KCNH5: variants seen among roughly 807,000 people sequenced by gnomAD.
The protein encoded by KCNH5 is potassium voltage-gated channel subfamily H member 5.
Under a neutral mutation model 96.1 loss-of-function variants are expected in KCNH5, and 46 were observed. The observed-to-expected ratio is 0.48, with a 90% confidence interval of 0.38 to 0.61. The LOEUF (loss-of-function observed/expected upper bound fraction) is 0.61, where lower values mean the gene tolerates loss of function less well. Among genes scored for constraint, KCNH5 ranks in the 20% least tolerant of loss-of-function variants. The probability of loss-of-function intolerance (pLI) is 0.00; values close to 1 mark genes in which losing one functional copy is unlikely to be tolerated. For missense variants in KCNH5, 907 were observed against 1,225.8 expected (o/e 0.74, Z 3.88); for synonymous variants, 439 against 449.8 (o/e 0.98, Z 0.30).
In KCNH5 at chr14:62,827,780, T is replaced by C. The variant is rs534732622; in HGVS notation, c.1569+21873A>G. Reference sequence around the variant, plus strand: ...TTTCCCAGGTATACAATGGGCCAGATATGTAGCTTTGGGTTTTTGTTTGTT... The same window carrying C: ...TTTCCCAGGTATACAATGGGCCAGACATGTAGCTTTGGGTTTTTGTTTGTT... On this transcript the variant is annotated intron_variant, in intron 8 of 10. Coordinates refer to ENST00000322893, the MANE Select transcript of KCNH5 (RefSeq NM_139318.5). Among the ~76,000 whole-genome samples, 14 of 152,146 alleles carry C rather than the reference T, an allele frequency of 9.2e-5. No homozygotes were observed. In the South Asian group the frequency reaches 2.9e-3, roughly 32 times the overall value.
In KCNH5 at chr14:62,702,166, A is replaced by T. The variant is rs1021445868; in HGVS notation, c.*5342T>A. The T allele has an allele frequency of 2.6e-5, 4 of 152,128 alleles. No individual in the cohort carries two copies. The highest frequency in any genetic ancestry group is 9.6e-5 in the African/African-American group (4 of 41,460). 9.4% of individuals were successfully genotyped at this position (152,128 alleles called of 1,614,324 possible). A position where few individuals can be genotyped will look rare whatever the true frequency, so the allele number is the denominator to read the frequency against. On this transcript the variant is annotated 3_prime_UTR_variant, in exon 11 of 11. Transcript: ENST00000322893. ...TGATACCAGTGACCATATATCAAACATACCACATTTGACAGTTTACTTTGG... is the reference window on the plus strand; with the variant it reads ...TGATACCAGTGACCATATATCAAACTTACCACATTTGACAGTTTACTTTGG...
intron 4 of KCNH5, among the ~76,000 whole-genome samples, chr14:63,000,888 A>C (rs995085868): frequency 2.0e-5 from 3 of 152,208 alleles, no homozygotes; most frequent in African/African-American, 7.2e-5. Flanking sequence ...CAGCCTGGGC[A>C]ACATGGCGAA....
intron 7 of KCNH5, among the ~76,000 whole-genome samples, chr14:62,909,211 A>G (rs1889101096): frequency 6.7e-6 from 1 of 149,352 alleles, no homozygotes; most frequent in African/African-American, 2.5e-5. Flanking sequence ...ACGCCCGGCT[A>G]ATTTTTTGTA....
chr14:62,946,724 AC>A (rs1186291099), intron 7 of KCNH5, among the ~76,000 whole-genome samples: 1 of 152,106 alleles, frequency 6.6e-6, no homozygotes, highest in Non-Finnish European at 1.5e-5. Flanking sequence ...CTAACCATGA[AC>A]TACTACTCAG....
At chr14:62,886,456 C>T (rs1175847761) in intron 7 of KCNH5, among the ~76,000 whole-genome samples, 1 of 152,180 alleles carries the variant, frequency 6.6e-6, no homozygotes, top group Admixed American at 6.5e-5. Context: ...ACTGAACTAA[C>T]ACTCTGGCAT....
chr14:62,985,794 A>G (rs997349306), intron 5 of KCNH5, among the ~76,000 whole-genome samples: 5 of 152,158 alleles, frequency 3.3e-5, no homozygotes, highest in Non-Finnish European at 5.9e-5. Flanking sequence ...TGCCAGACCC[A>G]TAAATCTCCC....
intron 7 of KCNH5, among the ~76,000 whole-genome samples, chr14:62,917,993 C>T (rs1889308358): frequency 1.3e-5 from 2 of 152,154 alleles, no homozygotes; most frequent in Admixed American, 1.3e-4. Flanking sequence ...GCTGTTCCAT[C>T]TGTCTAAAGG....
intron 10 of KCNH5, among the ~76,000 whole-genome samples, chr14:62,749,484 T>A (rs1334418510): frequency 6.6e-6 from 1 of 152,202 alleles, no homozygotes; most frequent in Non-Finnish European, 1.5e-5. Flanking sequence ...TCCAAGTTTT[T>A]AATAGGACCC....
intron 6 of KCNH5, among the ~76,000 whole-genome samples, chr14:62,954,805 G>A (rs1486362223): frequency 6.6e-6 from 1 of 152,020 alleles, no homozygotes; most frequent in Non-Finnish European, 1.5e-5. Flanking sequence ...GAAGGCAAAA[G>A]GCACATCTTA....
At chr14:62,744,499 A>G (rs1042491608) in intron 10 of KCNH5, among the ~76,000 whole-genome samples, 8 of 152,192 alleles carry the variant, frequency 5.3e-5, no homozygotes, top group Non-Finnish European at 1.2e-4. Flanking sequence ...TTATTTCCAT[A>G]CCATCATAGT....
intron 1 of KCNH5, among the ~76,000 whole-genome samples, chr14:63,030,190 C>T (rs1179776743): frequency 6.6e-6 from 1 of 152,128 alleles, no homozygotes; most frequent in Non-Finnish European, 1.5e-5. Context: ...CCTTGAGATC[C>T]AGATTGTTTC....
chr14:62,950,567 T>C lies in KCNH5; in HGVS notation c.943-8A>G. 2.2e-6 allele frequency: 3 copies of C among 1,371,456 alleles called. No individual in the cohort carries two copies. Among genetic ancestry groups the C allele is most frequent in the Non-Finnish European group, 2.9e-6 (3 of 1,040,672 alleles). 85.0% of individuals were successfully genotyped at this position (1,371,456 alleles called of 1,614,324 possible). ...GAAGAGACTGCTGATTCCCTGGATT[T>C]AAAAAAAAAAAAAAAATTACACCAC... On this transcript the variant is annotated splice_region_variant and splice_polypyrimidine_tract_variant and intron_variant, in intron 6 of 10. Coordinates refer to ENST00000322893, the MANE Select transcript of KCNH5 (RefSeq NM_139318.5).
intron 10 of KCNH5, among the ~76,000 whole-genome samples, chr14:62,718,670 T>C (rs1884738859): frequency 6.6e-6 from 1 of 152,028 alleles, no homozygotes; most frequent in Non-Finnish European, 1.5e-5. Flanking sequence ...AAAAAGTAAA[T>C]CATAGAGTAG....
At chr14:62,726,853 G>T (rs1884936701) in intron 10 of KCNH5, among the ~76,000 whole-genome samples, 1 of 152,142 alleles carries the variant, frequency 6.6e-6, no homozygotes, top group African/African-American at 2.4e-5. Context: ...AAATAAAAGT[G>T]TTTATCAAGG....
intron 8 of KCNH5, among the ~76,000 whole-genome samples, chr14:62,817,152 CAT>C (rs1210295278): frequency 2.2e-5 from 3 of 133,682 alleles, no homozygotes; most frequent in African/African-American, 5.5e-5. Context: ...TATATACACA[CAT>C]ATACATAATA....
rs894368478 is a variant in KCNH5, at chr14:62,744,279, C to A, written c.2019+35449G>T. ...AGGGATTATAGCACATTATCTAACT[C>A]CTCAGGTTCTTGGATTTTTCATTTA... On this transcript the variant is annotated intron_variant, in intron 10 of 10. Coordinates refer to ENST00000322893, the MANE Select transcript of KCNH5 (RefSeq NM_139318.5). Among the ~76,000 whole-genome samples, 5 of 152,256 alleles carry A rather than the reference C, an allele frequency of 3.3e-5. No individual in the cohort carries two copies. The East Asian group carries it at 7.7e-4, about 24-fold the overall frequency.
chr14:62,842,132 A>G (rs1353385085), intron 8 of KCNH5, among the ~76,000 whole-genome samples: 6 of 152,260 alleles, frequency 3.9e-5, no homozygotes, highest in African/African-American at 1.4e-4. Context: ...TTTACTAATA[A>G]TTATATTAGC....
chr14:62,911,857 A>C (rs537746985), intron 7 of KCNH5, among the ~76,000 whole-genome samples: 2 of 151,942 alleles, frequency 1.3e-5, no homozygotes, highest in East Asian at 3.9e-4. Context: ...CAACATAGTA[A>C]CACCCCGTCT....
chr14:63,002,215 C>T (rs146357654), intron 3 of KCNH5, among the ~76,000 whole-genome samples: 10 of 152,260 alleles, frequency 6.6e-5, no homozygotes, highest in East Asian at 5.8e-4. Context: ...CCTCGTTCTT[C>T]GAAGGATGGC....
Sources: allele counts gnomAD v4.1 joint callset (sites outside exome capture counted in the v4.1 genomes callset), GRCh38; gene constraint gnomAD v4.1.1; transcripts MANE v1.5; gene names NCBI Gene and HGNC (gene_info 2026-07-23, HGNC 2026-07-21).